The following HDAC6 variants were observed in gnomAD, a reference collection of about 807,000 sequenced individuals.
HDAC6 encodes the protein histone deacetylase 6.
In HDAC6, 5 loss-of-function variants were observed where a neutral mutation model predicts 88.9. That is an observed-to-expected ratio of 0.06 (90% CI 0.03 to 0.12). The LOEUF is 0.12. Among genes scored for constraint, HDAC6 ranks in the 10% least tolerant of loss-of-function variants. The probability of loss-of-function intolerance (pLI) is 1.00; values close to 1 mark genes in which losing one functional copy is unlikely to be tolerated. For missense variants in HDAC6, 706 were observed against 1,014.4 expected (o/e 0.70, Z 4.13); for synonymous variants, 378 against 398.0 (o/e 0.95, Z 0.60).
intron 22 of HDAC6, among the ~76,000 whole-genome samples, chrX:48,819,113 T>A (rs1212718657): frequency 8.9e-6 from 1 of 112,491 alleles, no homozygotes; most frequent in Non-Finnish European, 1.9e-5. Context: ...CTTCTGTGTG[T>A]GTACAACTGT....
intron 15 of HDAC6, 42 bp downstream of exon 15, chrX:48,815,532 C>T (rs1557027284): frequency 1.7e-6 from 2 of 1,200,706 alleles, no homozygotes; most frequent in Non-Finnish European, 2.3e-6. Flanking sequence ...GCCTCACTGC[C>T]CGCCCACATT....
In HDAC6 at chrX:48,823,473, C is replaced by A. The variant is rs138084502; in HGVS notation, c.3074C>A (p.Ser1025Ter). The change falls in exon 25 of 29, where the codon TCG becomes TAG. Residue 1025 changes from serine (S) to a stop codon, truncating the protein, a stop_gained. Coordinates refer to ENST00000334136, the MANE Select transcript of HDAC6 (RefSeq NM_006044.4). LOFTEE classifies it high-confidence loss of function. ...GTELIQTPLA[S>*]STDHQTPPTS... ...GAGCTGATCCAAACTCCTCTAGCCT[C>A]GAGCACAGACCACCAGACCCCCCCA... The A allele has an allele frequency of 8.3e-7, 1 of 1,210,631 alleles. No homozygotes were observed. Among genetic ancestry groups the A allele is most frequent in the Non-Finnish European group, 1.1e-6 (1 of 894,873 alleles).
At position 48,814,774 on chromosome X, in the gene HDAC6, G is replaced by A; in HGVS notation, c.999+34G>A. ...GATCTGGGGTGTGTTGGGAGGAGGA[G>A]TGGCCTTGAAGGTTAGGCTGTGAGG... is the stretch of plus-strand genomic sequence containing the variant. On this transcript the variant is annotated intron_variant, in intron 12 of 28. Coordinates refer to ENST00000334136, the MANE Select transcript of HDAC6 (RefSeq NM_006044.4). The A allele has an allele frequency of 4.1e-6, 5 of 1,209,820 alleles. No homozygotes were observed. The South Asian group carries it at 7.0e-5, about 17-fold the overall frequency.
At chrX:48,816,074 T>A (rs1310305757) in intron 17 of HDAC6, 22 bp downstream of exon 17, 1 of 1,208,596 alleles carries the variant, frequency 8.3e-7, no homozygotes, top group African/African-American at 1.8e-5. Flanking sequence ...GAGGGCTGGA[T>A]GAGTAGGTGT....
chrX:48,818,532 A>G (rs2063028517), intron 22 of HDAC6, 120 bp downstream of exon 22: 5 of 578,503 alleles, frequency 8.6e-6, no homozygotes, highest in South Asian at 6.9e-5. Flanking sequence ...GAGACAGCGC[A>G]TGGGTGTTTA....
At chrX:48,815,074 T>TCCAGGATCCA in intron 14 of HDAC6, 23 bp downstream of exon 14, 1 of 1,130,510 alleles carries the variant, frequency 8.8e-7, no homozygotes, top group Non-Finnish European at 1.2e-6. Flanking sequence ...CCTTCGTCCC[T>TCCAGGATCCA]CAGCCTGTGG....
At chrX:48,801,521 G>A (rs914222116), upstream of HDAC6, 10 of 191,815 alleles carry the variant, frequency 5.2e-5, no homozygotes, top group African/African-American at 1.6e-4. Flanking sequence ...GGACAGGGAC[G>A]GAGGGGCGGC....
At chrX:48,809,357 G>T (rs1557025324) in intron 10 of HDAC6, among the ~76,000 whole-genome samples, 2 of 111,518 alleles carry the variant, frequency 1.8e-5, no homozygotes, top group Non-Finnish European at 3.8e-5. Context: ...TATATGAAGT[G>T]CTTGGAACCA....
rs2063126322 is a variant in HDAC6 at position 48,823,945 on chromosome X, A to C, written c.3327A>C (p.Pro1109=). The C allele has an allele frequency of 1.7e-6, 2 of 1,209,399 alleles. No individual in the cohort carries two copies. The highest frequency in any genetic ancestry group is 2.2e-6 in the Non-Finnish European group (2 of 894,698). ...AGGCCATATTTTATGCTGTGACACC[A>C]CTGCCCTGGTGTCCCCATTTGGTGG... The part of the protein sequence containing the change: ...TDQAIFYAVT[P]LPWCPHLVAV... The change falls in exon 27 of 29, where the codon CCA becomes CCC. Residue 1109 remains proline, a synonymous_variant. Transcript: ENST00000334136.
intron 3 of HDAC6, 46 bp from the exon 4 acceptor site, chrX:48,803,082 C>T (rs782092409): frequency 1.9e-5 from 23 of 1,199,091 alleles, no homozygotes; most frequent in Non-Finnish European, 2.6e-5. Flanking sequence ...CCCTCTGACT[C>T]AGGGCCTAAA....
At chrX:48,814,621 C>T (rs1368098840) in intron 11 of HDAC6, 54 bp from the exon 12 acceptor site, 4 of 1,204,951 alleles carry the variant, frequency 3.3e-6, no homozygotes, top group East Asian at 5.9e-5. Flanking sequence ...GCCCTTCTGT[C>T]AGCGGCTCGG....
chrX:48,806,889 G>A (rs1569502672), intron 8 of HDAC6, 183 bp downstream of exon 8: 4 of 362,030 alleles, frequency 1.1e-5, no homozygotes, highest in Non-Finnish European at 1.9e-5. Flanking sequence ...ATGGGAGGTA[G>A]TCATTGGAAC....
At chrX:48,807,463 C>T (rs1389005993) in intron 8 of HDAC6, among the ~76,000 whole-genome samples, 4 of 113,073 alleles carry the variant, frequency 3.5e-5, no homozygotes, top group Non-Finnish European at 7.5e-5. Context: ...GTTCCTGCAG[C>T]AGAATGACTG....
In HDAC6 at chrX:48,823,010, G is replaced by C; in HGVS notation, c.2611G>C (p.Glu871Gln). The change falls in exon 25 of 29, where the codon GAA (glutamate) becomes CAA (glutamine). Residue 871 changes from glutamate (E) to glutamine (Q), a missense_variant. By Grantham distance (29) the Glu-to-Gln change is conservative (BLOSUM62 2). Around this residue, in one of 9 missense-constraint regions of HDAC6, gnomAD observed 89 missense variants for 90.9 expected, o/e 0.98. Coordinates refer to ENST00000334136, the MANE Select transcript of HDAC6 (RefSeq NM_006044.4). Reference sequence around the variant, plus strand: ...GTTAGCTGAGCGGATGACCACACGAGAAAAGAAGGTTCTGGAAGCAGGCAT... The same window carrying C: ...GTTAGCTGAGCGGATGACCACACGACAAAAGAAGGTTCTGGAAGCAGGCAT... ...PRLAERMTTREKKVLEAGMGK... is the reference protein window; with the variant it reads ...PRLAERMTTRQKKVLEAGMGK... 4 of 1,211,534 alleles carry C rather than the reference G, an allele frequency of 3.3e-6. No homozygotes were observed. The highest frequency in any genetic ancestry group is 4.5e-6 in the Non-Finnish European group (4 of 895,366).
Position 48,823,130 on chromosome X carries a change from T to C in HDAC6, c.2731T>C (p.Ser911Pro), listed in dbSNP as rs1557030692. ...AVVALTQDQP[S>P]EAATGGATLA... is the part of the protein sequence containing the mutation. ...GGTGGCCCTCACTCAGGACCAGCCCTCAGAGGCAGCCACAGGGGGAGCCAC... is the reference window on the plus strand; with the variant it reads ...GGTGGCCCTCACTCAGGACCAGCCCCCAGAGGCAGCCACAGGGGGAGCCAC... Residue 911 changes from serine (S) to proline (P), a missense_variant, in exon 25 of 29, where the codon TCA (serine) becomes CCA (proline). Ser to Pro is a moderately conservative substitution (Grantham distance 74). Coordinates refer to ENST00000334136, the MANE Select transcript of HDAC6 (RefSeq NM_006044.4). 7 of 1,208,620 alleles carry C rather than the reference T, an allele frequency of 5.8e-6. No individual in the cohort carries two copies. In the South Asian group the frequency reaches 1.1e-4, roughly 18 times the overall value.
At chrX:48,812,492 C>A (rs2062917315) in intron 10 of HDAC6, among the ~76,000 whole-genome samples, 1 of 112,557 alleles carries the variant, frequency 8.9e-6, no homozygotes, top group Admixed American at 9.4e-5. Context: ...TGGATCTGTA[C>A]TGGATTTCTC....
At chrX:48,821,551 G>A (rs1342398116) in intron 23 of HDAC6, among the ~76,000 whole-genome samples, 1 of 99,056 alleles carries the variant, frequency 1.0e-5, no homozygotes, top group Non-Finnish European at 2.0e-5. Context: ...CACCCAGGCT[G>A]GAGTGCAATG....
In HDAC6 at chrX:48,808,146, CAG is replaced by C; in HGVS notation, c.737+12_737+13del. 8.4e-7 allele frequency: 1 copy of C among 1,184,996 alleles called. No individual in the cohort carries two copies. Among genetic ancestry groups the C allele is most frequent in the Non-Finnish European group, 1.1e-6 (1 of 873,977 alleles). On this transcript the variant is annotated intron_variant, in intron 9 of 28. Transcript: ENST00000334136. Reference sequence around the variant, plus strand: ...AAACACCGCATCCGGAGGTCAGCAACAGAGGGCAGATGTGATGGGGGTGGCAT... The same window carrying C: ...AAACACCGCATCCGGAGGTCAGCAACAGGGCAGATGTGATGGGGGTGGCAT...
chrX:48,806,335 G>A, intron 6 of HDAC6, 33 bp from the exon 7 acceptor site: 1 of 948,669 alleles, frequency 1.1e-6, no homozygotes, highest in Non-Finnish European at 1.5e-6. Flanking sequence ...GGAAGAGACA[G>A]GGCCCTGAAT....
Sources: gnomAD v4.1 joint callset for allele counts (sites outside exome capture counted in the v4.1 genomes callset) on GRCh38, gnomAD v4.1.1 for gene constraint, gnomAD v4.1.1 regional missense constraint, MANE v1.5 for transcripts, NCBI Gene and HGNC (gene_info 2026-07-23, HGNC 2026-07-21) for gene names.